The following TMEM232 variants were observed in gnomAD, a reference collection of about 807,000 sequenced individuals.
The protein encoded by TMEM232 is transmembrane protein 232.
TMEM232 carries 80 observed loss-of-function variants against 78.8 expected under a neutral mutation model. The ratio of observed to expected loss-of-function variants is 1.01; its 90% CI spans 0.85 to 1.22. The LOEUF is 1.22. TMEM232 is among the 50% of genes most tolerant of loss of function. The probability of loss-of-function intolerance (pLI) is 0.00; values close to 1 mark genes in which losing one functional copy is unlikely to be tolerated. For missense variants in TMEM232, 881 were observed against 742.2 expected (o/e 1.19, Z -2.17); for synonymous variants, 297 against 254.3 (o/e 1.17, Z -1.60).
At chr5:110,584,413 C>T (rs895997609) in intron 10 of TMEM232, among the ~76,000 whole-genome samples, 1 of 152,158 alleles carries the variant, frequency 6.6e-6, no homozygotes, top group South Asian at 2.1e-4. Flanking sequence ...AGGGTAACTA[C>T]TACATGATTC....
chr5:110,453,939 A>G (rs1760596873), intron 12 of TMEM232, among the ~76,000 whole-genome samples: 1 of 152,240 alleles, frequency 6.6e-6, no homozygotes, highest in South Asian at 2.1e-4. Flanking sequence ...TAATAAAAAA[A>G]ATCAATTCAC....
intron 12 of TMEM232, among the ~76,000 whole-genome samples, chr5:110,485,506 T>C (rs762952648): frequency 1.3e-5 from 2 of 152,144 alleles, no homozygotes; most frequent in African/African-American, 2.4e-5. Flanking sequence ...ATCATTCTTA[T>C]GCTTTTGCAT....
At chr5:110,556,968 T>A (rs2149638969) in intron 11 of TMEM232, among the ~76,000 whole-genome samples, 2 of 152,280 alleles carry the variant, frequency 1.3e-5, no homozygotes, top group East Asian at 3.9e-4. Flanking sequence ...AAATATGTTT[T>A]CCAAGTTGTT....
chr5:110,580,482 G>C (rs1778070198), intron 10 of TMEM232, among the ~76,000 whole-genome samples: 1 of 151,632 alleles, frequency 6.6e-6, no homozygotes, highest in African/African-American at 2.4e-5. Flanking sequence ...TATTATGCTT[G>C]CATAGTGGTA....
chr5:110,606,063 T>C, intron 9 of TMEM232, 101 bp downstream of exon 9: 1 of 1,027,074 alleles, frequency 9.7e-7, no homozygotes, highest in Non-Finnish European at 1.3e-6. Context: ...TATAAAGTTA[T>C]GCATACTATA....
At chr5:110,711,438 G>C (rs1796465434) in intron 1 of TMEM232, among the ~76,000 whole-genome samples, 1 of 152,012 alleles carries the variant, frequency 6.6e-6, no homozygotes, top group South Asian at 2.1e-4. Context: ...AACCACAAAA[G>C]ACCCAGAACG....
At chr5:110,446,481 A>G (rs1040994202) in intron 12 of TMEM232, among the ~76,000 whole-genome samples, 4 of 152,142 alleles carry the variant, frequency 2.6e-5, no homozygotes, top group South Asian at 2.1e-4. Flanking sequence ...CAGAGAAGCA[A>G]TTGCTTGCCA....
At chr5:110,445,791 T>G (rs1759580957) in intron 12 of TMEM232, among the ~76,000 whole-genome samples, 1 of 152,002 alleles carries the variant, frequency 6.6e-6, no homozygotes, top group Non-Finnish European at 1.5e-5. Flanking sequence ...AAGACATGAC[T>G]TTTTTTGCCA....
chr5:110,449,727 A>G (rs1297176701), intron 12 of TMEM232, among the ~76,000 whole-genome samples: 1 of 152,124 alleles, frequency 6.6e-6, no homozygotes, highest in African/African-American at 2.4e-5. Flanking sequence ...CACCTACTGT[A>G]TACTCGGTTC....
intron 11 of TMEM232, among the ~76,000 whole-genome samples, chr5:110,533,799 G>A (rs1771912573): frequency 6.6e-6 from 1 of 151,982 alleles, no homozygotes; most frequent in Admixed American, 6.6e-5. Context: ...TCCTCACCCT[G>A]ATCACACTTA....
chr5:110,477,190 C>G (rs929676123), intron 12 of TMEM232, among the ~76,000 whole-genome samples: 3 of 151,908 alleles, frequency 2.0e-5, no homozygotes, highest in Non-Finnish European at 2.9e-5. Context: ...GTAACTTCTA[C>G]AGAAAATAGA....
intron 11 of TMEM232, among the ~76,000 whole-genome samples, chr5:110,545,326 G>A (rs1773643261): frequency 6.6e-6 from 1 of 151,900 alleles, no homozygotes; most frequent in African/African-American, 2.4e-5. Flanking sequence ...GCTCAAATGG[G>A]TTAATATACA....
At chr5:110,494,277 C>A (rs897958048) in intron 12 of TMEM232, among the ~76,000 whole-genome samples, 1 of 151,714 alleles carries the variant, frequency 6.6e-6, no homozygotes, top group Non-Finnish European at 1.5e-5. Flanking sequence ...ATAATTCAAT[C>A]AATAAAATAA....
At chr5:110,654,812 C>G (rs1197079953) in intron 2 of TMEM232, among the ~76,000 whole-genome samples, 1 of 152,142 alleles carries the variant, frequency 6.6e-6, no homozygotes, top group Non-Finnish European at 1.5e-5. Context: ...TTTGTGTCCT[C>G]TTTCATTTCA....
intron 1 of TMEM232, among the ~76,000 whole-genome samples, chr5:110,714,196 T>G (rs1156954560): frequency 6.6e-6 from 1 of 152,142 alleles, no homozygotes; most frequent in East Asian, 1.9e-4. Flanking sequence ...GCTGCAGGGC[T>G]GGAGGCTGTC....
At chr5:110,432,656 A>C (rs765931506) in intron 12 of TMEM232, among the ~76,000 whole-genome samples, 3 of 151,746 alleles carry the variant, frequency 2.0e-5, no homozygotes, top group Non-Finnish European at 3.0e-5. Flanking sequence ...CAAATAGCCT[A>C]AATGCTCCAC....
At chr5:110,562,749 T>C (rs540475438) in intron 11 of TMEM232, among the ~76,000 whole-genome samples, 66 of 152,178 alleles carry the variant, frequency 4.3e-4, no homozygotes, top group African/African-American at 1.6e-3. Flanking sequence ...TAAATATTTA[T>C]TTCATATTTT....
intron 1 of TMEM232, among the ~76,000 whole-genome samples, chr5:110,688,677 T>G (rs1303483215): frequency 2.6e-5 from 4 of 152,202 alleles, no homozygotes; most frequent in African/African-American, 9.6e-5. Flanking sequence ...AGTGCTTTGT[T>G]GATGCATGAG....
chr5:110,723,062 G>C (rs1381672354), intron 1 of TMEM232, among the ~76,000 whole-genome samples: 1 of 152,096 alleles, frequency 6.6e-6, no homozygotes, highest in Non-Finnish European at 1.5e-5. Flanking sequence ...TCTATCTTCT[G>C]AAAGAAACTT....
Sources: allele counts gnomAD v4.1 joint callset (sites outside exome capture counted in the v4.1 genomes callset), GRCh38; gene constraint gnomAD v4.1.1; transcripts MANE v1.5; gene names NCBI Gene and HGNC (gene_info 2026-07-23, HGNC 2026-07-21).